Variants in KIAA0586 observed in about 807,000 individuals in gnomAD.
KIAA0586 encodes protein TALPID3.
Under a neutral mutation model 169.8 loss-of-function variants are expected in KIAA0586, and 144 were observed. The observed-to-expected ratio is 0.85, with a 90% CI of 0.74 to 0.97. KIAA0586 has a LOEUF of 0.97. Among genes scored for constraint, KIAA0586 ranks in the 50% least tolerant of loss-of-function variants. The pLI is 0.00. For synonymous variants in KIAA0586, 625 were observed against 612.4 expected (o/e 1.02, Z -0.30); for missense variants, 1,854 against 1,823.0 (o/e 1.02, Z -0.31).
At chr14:58,480,175 C>A (rs1346233692) in intron 20 of KIAA0586, among the ~76,000 whole-genome samples, 1 of 151,780 alleles carries the variant, frequency 6.6e-6, no homozygotes, top group Non-Finnish European at 1.5e-5. Context: ...TTTTGCCCTC[C>A]CCCTCAAGAA....
intron 29 of KIAA0586, among the ~76,000 whole-genome samples, chr14:58,520,342 T>C (rs2045112451): frequency 6.6e-6 from 1 of 152,142 alleles, no homozygotes; most frequent in African/African-American, 2.4e-5. Context: ...TTAGTAATTG[T>C]TTTCCATTCT....
At chr14:58,479,112 A>C (rs2041858025) in intron 20 of KIAA0586, among the ~76,000 whole-genome samples, 1 of 152,368 alleles carries the variant, frequency 6.6e-6, no homozygotes, top group Non-Finnish European at 1.5e-5. Context: ...CATTTCCAAA[A>C]GTGGGTGTAC....
rs113233864 is a variant in KIAA0586, at chr14:58,523,538, C to A, written c.4429+10911C>A. Among the ~76,000 whole-genome samples, 475 of 151,952 alleles carry A rather than the reference C, an allele frequency of 3.1e-3. 4 individuals are homozygous for A. The highest frequency in any genetic ancestry group is 0.011 in the African/African-American group (455 of 41,474). On this transcript the variant is annotated intron_variant, in intron 29 of 30. Transcript: ENST00000652326. ...ATCAATTAGTAGCCTTTTTATTCAA[C>A]AGCTATTACAAATAATTTAACCTTA...
rs2040191088 is a variant in KIAA0586, at chr14:58,459,945, C to T, written c.1759C>T (p.Gln587Ter). 7 of 1,532,150 alleles carry T rather than the reference C, an allele frequency of 4.6e-6. No homozygotes were observed. Among genetic ancestry groups the T allele is most frequent in the African/African-American group, 1.4e-5 (1 of 72,926 alleles). 94.9% of individuals were successfully genotyped at this position (1,532,150 alleles called of 1,614,324 possible). ...NMTKDIRTNTQDKTVNKSVIP... is the reference protein window; with the variant it reads ...NMTKDIRTNT ...GACTAAAGATATTAGAACCAACACA[C>T]AAGATAAAACTGTCAACAAATCTGT... The change falls in exon 13 of 31, where the codon CAA (glutamine) becomes TAA (stop). Residue 587 changes from glutamine (Q) to a stop codon, truncating the protein, a stop_gained. Transcript: ENST00000652326. LOFTEE classifies it high-confidence loss of function.
chr14:58,461,126 A>T lies in KIAA0586; in HGVS notation c.2025A>T (p.Arg675Ser). 1 of 1,598,202 alleles carries T rather than the reference A, an allele frequency of 6.3e-7. No homozygotes were observed. The highest frequency in any genetic ancestry group is 8.5e-7 in the Non-Finnish European group (1 of 1,174,570). ...LRFNSPSPKS[R>S]PQRPKVIERV... ...TTAATTCTCCATCTCCTAAGTCCAG[A>T]CCACAGAGACCAAAAGTAATAGAAC... Residue 675 changes from arginine (R) to serine (S), a missense_variant, in exon 14 of 31, where the codon AGA becomes AGT. By Grantham distance (110) the Arg-to-Ser change is moderately radical. Coordinates refer to ENST00000652326, the MANE Select transcript of KIAA0586 (RefSeq NM_001329943.3).
intron 7 of KIAA0586, among the ~76,000 whole-genome samples, chr14:58,450,070 T>C (rs887284478): frequency 3.4e-4 from 51 of 152,176 alleles, no homozygotes; most frequent in African/African-American, 1.2e-3. Flanking sequence ...GGGTGGCCTA[T>C]TGAATAACTA....
At chr14:58,465,376 A>C (rs1428593244) in intron 14 of KIAA0586, among the ~76,000 whole-genome samples, 1 of 152,228 alleles carries the variant, frequency 6.6e-6, no homozygotes, top group Non-Finnish European at 1.5e-5. Context: ...CCTATGGAAA[A>C]AAATTTAAAG....
chr14:58,492,756 A>G (rs2042914126), intron 26 of KIAA0586, among the ~76,000 whole-genome samples: 1 of 152,252 alleles, frequency 6.6e-6, no homozygotes, highest in Non-Finnish European at 1.5e-5. Flanking sequence ...ACAATATTAC[A>G]TTGATGTCAG....
chr14:58,474,812 T>G lies in KIAA0586; in HGVS notation c.2825+15T>G, dbSNP rs2041483451. 18 of 1,542,434 alleles carry G rather than the reference T, an allele frequency of 1.2e-5. No homozygotes were observed. The highest frequency in any genetic ancestry group is 1.6e-5 in the Non-Finnish European group (18 of 1,128,888). Reference sequence around the variant, plus strand: ...TTAATTCAATGGTAAGTTTATAATGTTTTTGGTATGAATAGAACCATAGTA... The same window carrying G: ...TTAATTCAATGGTAAGTTTATAATGGTTTTGGTATGAATAGAACCATAGTA... On this transcript the variant is annotated intron_variant, in intron 19 of 30. Transcript: ENST00000652326.
chr14:58,521,958 C>G (rs1411409149), intron 29 of KIAA0586: 19 of 1,369,964 alleles, frequency 1.4e-5, no homozygotes, highest in Non-Finnish European at 2.0e-5. Context: ...GAGAGGATGA[C>G]AGAGACAGCA....
chr14:58,543,131 CAAAA>C (rs35632146), intron 30 of KIAA0586, among the ~76,000 whole-genome samples: 1 of 119,952 alleles, frequency 8.3e-6, no homozygotes, highest in Non-Finnish European at 1.8e-5. Context: ...GATTACGTCT[CAAAA>C]AAAAAAAAAA....
intron 9 of KIAA0586, among the ~76,000 whole-genome samples, chr14:58,455,882 A>C (rs1416405222): frequency 6.6e-6 from 1 of 152,096 alleles, no homozygotes; most frequent in Non-Finnish European, 1.5e-5. Flanking sequence ...AGAAGGCATG[A>C]CCTTCTAGAT....
intron 5 of KIAA0586, 104 bp from the exon 6 acceptor site, chr14:58,443,850 A>G: frequency 1.4e-6 from 1 of 696,824 alleles, no homozygotes; most frequent in Non-Finnish European, 2.4e-6. Context: ...GGCTCAAATT[A>G]GATCACTTAT....
Position 58,465,939 on chromosome 14 carries a change from G to T in KIAA0586, c.2164G>T (p.Asp722Tyr), listed in dbSNP as rs750671663. The change falls in exon 15 of 31, where the codon GAT becomes TAT. Residue 722 changes from aspartate to tyrosine, a missense_variant. By Grantham distance (160) the Asp-to-Tyr change is radical. Transcript: ENST00000652326. ...TTCTGTTCCTGTGTTACCTCATGGC[G>T]ATCAGCAATATTTGTTCAGCCCAAG... Reference protein sequence around the residue: ...KHSVPVLPHGDQQYLFSPSRE... With the variant: ...KHSVPVLPHGYQQYLFSPSRE... 4 of 1,612,840 alleles carry T rather than the reference G, an allele frequency of 2.5e-6. No homozygotes were observed. Among genetic ancestry groups the T allele is most frequent in the Non-Finnish European group, 3.4e-6 (4 of 1,179,012 alleles).
chr14:58,524,336 A>T (rs2045428331), intron 29 of KIAA0586, among the ~76,000 whole-genome samples: 1 of 152,240 alleles, frequency 6.6e-6, no homozygotes. Context: ...TGCATATAGG[A>T]TGAACCACTA....
intron 4 of KIAA0586, among the ~76,000 whole-genome samples, chr14:58,439,479 G>A (rs953788971): frequency 6.6e-6 from 1 of 152,034 alleles, no homozygotes; most frequent in Non-Finnish European, 1.5e-5. Flanking sequence ...GAGCCACCGC[G>A]CCTGGCCAGA....
intron 14 of KIAA0586, among the ~76,000 whole-genome samples, chr14:58,465,403 G>C (rs1308512544): frequency 6.6e-6 from 1 of 152,104 alleles, no homozygotes; most frequent in Non-Finnish European, 1.5e-5. Flanking sequence ...AACATTGTTG[G>C]AATATTCTTC....
chr14:58,494,102 CT>C (rs1036538779), intron 26 of KIAA0586, among the ~76,000 whole-genome samples: 23 of 148,930 alleles, frequency 1.5e-4, no homozygotes, highest in African/African-American at 2.2e-4. Context: ...CTTTCTTTCT[CT>C]TTTTTTTTTC....
At chr14:58,557,855 T>G in the KIAA0586 span, among the ~76,000 whole-genome samples, 2 of 149,536 alleles carry the variant, frequency 1.3e-5, no homozygotes, top group African/African-American at 4.9e-5. Context: ...GTGAGGGGTC[T>G]GTAATCATGT....
Sources: gnomAD v4.1 joint callset for allele counts (sites outside exome capture counted in the v4.1 genomes callset) on GRCh38, gnomAD v4.1.1 for gene constraint, MANE v1.5 for transcripts, NCBI Gene and HGNC (gene_info 2026-07-23, HGNC 2026-07-21) for gene names.